SCFD2: variants seen among roughly 807,000 people sequenced by gnomAD.
The protein encoded by SCFD2 is sec1 family domain containing 2.
SCFD2 carries 54 observed loss-of-function variants against 58.9 expected under a neutral mutation model. The observed-to-expected ratio is 0.92, with a 90% CI of 0.74 to 1.15. The LOEUF (loss-of-function observed/expected upper bound fraction) is 1.15. Among genes scored for constraint, SCFD2 ranks in the 50% most tolerant of loss-of-function variants. SCFD2 has a pLI of 0.00. For synonymous variants in SCFD2, 321 were observed against 335.9 expected, an observed-to-expected ratio of 0.96 and a Z score of 0.49; for missense variants, 805 against 836.6, an observed-to-expected ratio of 0.96 and a Z score of 0.47.
chr4:52,927,381 C>T (rs1479786840), intron 5 of SCFD2, among the ~76,000 whole-genome samples: 1 of 151,934 alleles, frequency 6.6e-6, no homozygotes, highest in Non-Finnish European at 1.5e-5. Flanking sequence ...AGATTTCCGA[C>T]ATACCACATG....
At chr4:53,100,392 A>T (rs1577727094) in intron 5 of SCFD2, among the ~76,000 whole-genome samples, 1 of 152,174 alleles carries the variant, frequency 6.6e-6, no homozygotes, top group East Asian at 1.9e-4. Context: ...ATACTAAATA[A>T]ATTATACAAA....
At chr4:53,356,171 G>A (rs1190937212) in intron 1 of SCFD2, among the ~76,000 whole-genome samples, 1 of 152,132 alleles carries the variant, frequency 6.6e-6, no homozygotes, top group Non-Finnish European at 1.5e-5. Flanking sequence ...CACTACATGG[G>A]CCTCCCATAG....
chr4:53,092,879 A>G (rs1226745780), intron 5 of SCFD2, among the ~76,000 whole-genome samples: 1 of 152,142 alleles, frequency 6.6e-6, no homozygotes, highest in African/African-American at 2.4e-5. Context: ...AGACTAAAAA[A>G]ACAAAACAGA....
chr4:53,202,030 T>C (rs933964248), intron 4 of SCFD2, among the ~76,000 whole-genome samples: 1 of 152,198 alleles, frequency 6.6e-6, no homozygotes, highest in Non-Finnish European at 1.5e-5. Flanking sequence ...TTTAGTTTAA[T>C]TAGATCCCAT....
At chr4:53,309,516 G>A (rs1732622697) in intron 3 of SCFD2, among the ~76,000 whole-genome samples, 1 of 152,102 alleles carries the variant, frequency 6.6e-6, no homozygotes, top group South Asian at 2.1e-4. Context: ...TACAGTCAAG[G>A]GGATGTTGGC....
rs1167073354 is a variant in SCFD2, at chr4:52,935,402, T to C, written c.1562-14532A>G. On this transcript the variant is annotated intron_variant, in intron 5 of 8. Coordinates refer to ENST00000401642, the MANE Select transcript of SCFD2 (RefSeq NM_152540.4). ...TTCCACCTTGAAAGCTAATCTACCA[T>C]GTTGGCTCCTGATCAACACCTGTTC... Among the ~76,000 whole-genome samples, 7 of 152,236 alleles carry C rather than the reference T, an allele frequency of 4.6e-5. No homozygotes were observed. In the East Asian group the frequency reaches 1.3e-3, roughly 29 times the overall value.
intron 4 of SCFD2, among the ~76,000 whole-genome samples, chr4:53,245,146 C>G (rs1225599450): frequency 6.6e-6 from 1 of 151,886 alleles, no homozygotes; most frequent in East Asian, 1.9e-4. Context: ...AGCCTGGGAT[C>G]AGATGAATTC....
intron 5 of SCFD2, among the ~76,000 whole-genome samples, chr4:52,933,468 G>A (rs945346294): frequency 6.6e-6 from 1 of 152,192 alleles, no homozygotes; most frequent in Non-Finnish European, 1.5e-5. Flanking sequence ...TTTCTGTGCA[G>A]GGACAATTTC....
At chr4:53,294,889 A>C (rs1339100705) in intron 3 of SCFD2, among the ~76,000 whole-genome samples, 1 of 152,210 alleles carries the variant, frequency 6.6e-6, no homozygotes, top group African/African-American at 2.4e-5. Flanking sequence ...CATTTATTAA[A>C]TAGGGAATTC....
chr4:53,082,588 GGGTGTTT>G (rs1226044047), intron 5 of SCFD2, among the ~76,000 whole-genome samples: 1 of 152,106 alleles, frequency 6.6e-6, no homozygotes, highest in Non-Finnish European at 1.5e-5. Context: ...TTGTCTGTGA[GGGTGTTT>G]GCAGAAAAGA....
intron 5 of SCFD2, among the ~76,000 whole-genome samples, chr4:53,142,720 A>G (rs571283558): frequency 7.2e-5 from 11 of 152,338 alleles, no homozygotes; most frequent in African/African-American, 2.4e-4. Context: ...AGCTAAGTGA[A>G]AACACAAATG....
intron 5 of SCFD2, among the ~76,000 whole-genome samples, chr4:53,122,186 G>T (rs1266396996): frequency 6.6e-6 from 1 of 152,052 alleles, no homozygotes; most frequent in Non-Finnish European, 1.5e-5. Flanking sequence ...AGACCAGCCT[G>T]GCCAACAAGG....
At chr4:53,224,971 T>A (rs1317233067) in intron 4 of SCFD2, among the ~76,000 whole-genome samples, 1 of 152,198 alleles carries the variant, frequency 6.6e-6, no homozygotes, top group Non-Finnish European at 1.5e-5. Context: ...CCACACCTCA[T>A]TAAAAATATT....
At chr4:53,212,568 G>A (rs1728651087) in intron 4 of SCFD2, among the ~76,000 whole-genome samples, 1 of 120,862 alleles carries the variant, frequency 8.3e-6, no homozygotes, top group African/African-American at 3.1e-5. Flanking sequence ...GAGGAAGAAA[G>A]TGAGCACGTG....
At chr4:53,319,331 A>C (rs1388591971) in intron 2 of SCFD2, among the ~76,000 whole-genome samples, 1 of 152,168 alleles carries the variant, frequency 6.6e-6, no homozygotes, top group African/African-American at 2.4e-5. Flanking sequence ...CTAATTTTCC[A>C]CTTTTATTCA....
At chr4:52,932,318 C>G (rs1244542741) in intron 5 of SCFD2, among the ~76,000 whole-genome samples, 1 of 152,208 alleles carries the variant, frequency 6.6e-6, no homozygotes, top group Non-Finnish European at 1.5e-5. Context: ...ACACAAACCT[C>G]TGTCACAGCT....
intron 2 of SCFD2, among the ~76,000 whole-genome samples, chr4:53,323,459 G>A (rs1017908033): frequency 2.7e-5 from 4 of 150,140 alleles, no homozygotes; most frequent in Non-Finnish European, 4.4e-5. Context: ...CTACAACCTA[G>A]ACTTCCTGGA....
intron 5 of SCFD2, among the ~76,000 whole-genome samples, chr4:53,079,477 T>A (rs1724078571): frequency 1.3e-5 from 2 of 152,338 alleles, no homozygotes; most frequent in South Asian, 4.1e-4. Flanking sequence ...GGAGTTAAGA[T>A]GAAACAGAAT....
At chr4:53,079,139 G>A (rs1224430941) in intron 5 of SCFD2, among the ~76,000 whole-genome samples, 1 of 152,108 alleles carries the variant, frequency 6.6e-6, no homozygotes, top group Non-Finnish European at 1.5e-5. Flanking sequence ...GAAGGCCTGA[G>A]AATTGAGGTT....
Sources: gnomAD v4.1 joint callset for allele counts (sites outside exome capture counted in the v4.1 genomes callset) on GRCh38, gnomAD v4.1.1 for gene constraint, MANE v1.5 for transcripts, NCBI Gene and HGNC (gene_info 2026-07-23, HGNC 2026-07-21) for gene names.